The following LGALS4 variants were observed in gnomAD, a reference collection of about 807,000 sequenced individuals.
LGALS4 encodes the protein galectin-4.
LGALS4 carries 37 observed loss-of-function variants against 39.6 expected under a neutral mutation model. The observed-to-expected ratio is 0.93, with a 90% CI of 0.72 to 1.23. LGALS4 has a LOEUF of 1.23. Among genes scored for constraint, LGALS4 ranks in the 50% most tolerant of loss-of-function variants. LGALS4 has a pLI of 0.00. For synonymous variants in LGALS4, 160 were observed against 165.5 expected (o/e 0.97, Z 0.25); for missense variants, 397 against 433.2 (o/e 0.92, Z 0.74).
intron 2 of LGALS4, among the ~76,000 whole-genome samples, chr19:38,809,218 G>T (rs1276865866): frequency 2.5e-5 from 3 of 118,174 alleles, no homozygotes. Flanking sequence ...TTGCTCTGTT[G>T]CCCAGGCTGG....
chr19:38,807,453 A>G (rs1971435346), intron 3 of LGALS4, among the ~76,000 whole-genome samples: 1 of 152,190 alleles, frequency 6.6e-6, no homozygotes, highest in Admixed American at 6.5e-5. Context: ...GACTCTCAGC[A>G]GTAGGGTAAT....
chr19:38,802,658 C>T (rs1971371149), intron 7 of LGALS4, among the ~76,000 whole-genome samples: 1 of 151,780 alleles, frequency 6.6e-6, no homozygotes, highest in Non-Finnish European at 1.5e-5. Context: ...CCACGCCCAG[C>T]CTTGCAGGAA....
At chr19:38,808,099 A>G (rs1057292155) in intron 3 of LGALS4, among the ~76,000 whole-genome samples, 9 of 152,012 alleles carry the variant, frequency 5.9e-5, no homozygotes, top group Non-Finnish European at 1.3e-4. Flanking sequence ...TCTGAGAAAC[A>G]CCCAAGAATG....
chr19:38,802,318 C>G lies in LGALS4; in HGVS notation c.657G>C (p.Lys219Asn). The change falls in exon 8 of 10, where the codon AAG (lysine) becomes AAC (asparagine). Residue 219 changes from lysine (K) to asparagine (N), a missense_variant and splice_region_variant. Physicochemically the swap from Lys to Asn is moderately conservative, Grantham distance 94. Transcript: ENST00000307751. ...TTCCCACCTAGTTTACGTTATACCT[C>G]TTGCCTGTGGGAGGCACATAGCCCT... ...IIKGYVPPTG[K>N]SFAINFKVGS... 1 of 1,613,914 alleles carries G rather than the reference C, an allele frequency of 6.2e-7. No homozygotes were observed.
At chr19:38,808,623 C>CAA (rs371371385) in intron 3 of LGALS4, 121 bp downstream of exon 3, 1,062 of 538,408 alleles carry the variant, frequency 2.0e-3, no homozygotes, top group East Asian at 2.9e-3. Context: ...AACTCCATCT[C>CAA]AAAAAAAAAA....
intron 2 of LGALS4, among the ~76,000 whole-genome samples, chr19:38,809,870 C>T (rs1971472454): frequency 6.6e-6 from 1 of 152,046 alleles, no homozygotes; most frequent in Non-Finnish European, 1.5e-5. Flanking sequence ...ACGGGCCAGG[C>T]CCTGTCCTAT....
chr19:38,806,538 C>T lies in LGALS4; in HGVS notation c.397G>A (p.Val133Ile). 10 of 1,614,060 alleles carry T rather than the reference C, an allele frequency of 6.2e-6. No homozygotes were observed. Among genetic ancestry groups the T allele is most frequent in the African/African-American group, 1.3e-5 (1 of 75,012 alleles). ...EYGHRLPLQMVTHLQVDGDLQ... is the reference protein window; with the variant it reads ...EYGHRLPLQMITHLQVDGDLQ... The stretch of plus-strand genomic sequence containing the variant: ...TCCCCATCCACTTGCAGGTGGGTGA[C>T]CATCTGTAGGGGAAGCCGGTGCCCG... The change falls in exon 4 of 10, where the codon GTC (valine) becomes ATC (isoleucine). Residue 133 changes from valine to isoleucine, a missense_variant. Physicochemically the swap from Val to Ile is conservative, Grantham distance 29. Transcript: ENST00000307751.
In LGALS4 at chr19:38,802,098, C is replaced by A. The variant is rs371360675; in HGVS notation, c.719G>T (p.Arg240Leu). ...SGDIALHINPRMGNGTVVRNS... is the reference protein window; with the variant it reads ...SGDIALHINPLMGNGTVVRNS... ...CCGGACCACGGTACCGTTGCCCATG[C>A]GGGGATTAATGTGCAGAGCTATGTC... Residue 240 changes from arginine (R) to leucine (L), a missense_variant, in exon 9 of 10, where the codon CGC becomes CTC. Transcript: ENST00000307751. The A allele has an allele frequency of 1.5e-5, 24 of 1,614,138 alleles. No individual in the cohort carries two copies. Among genetic ancestry groups the A allele is most frequent in the Non-Finnish European group, 2.0e-5 (24 of 1,180,002 alleles).
chr19:38,810,545 G>T (rs957954463), intron 2 of LGALS4, among the ~76,000 whole-genome samples: 1 of 151,746 alleles, frequency 6.6e-6, no homozygotes, highest in Non-Finnish European at 1.5e-5. Flanking sequence ...TGTATTTTTA[G>T]TAGAGACGGG....
intron 4 of LGALS4, among the ~76,000 whole-genome samples, chr19:38,805,543 C>T (rs568584774): frequency 1.3e-5 from 2 of 152,262 alleles, no homozygotes; most frequent in African/African-American, 4.8e-5. Flanking sequence ...AGAGATATCT[C>T]AGTCATTCCT....
At chr19:38,811,376 T>C (rs1283495677) in intron 2 of LGALS4, among the ~76,000 whole-genome samples, 1 of 151,796 alleles carries the variant, frequency 6.6e-6, no homozygotes, top group Non-Finnish European at 1.5e-5. Context: ...CAGTGCCTGA[T>C]CCTCCCAGCA....
chr19:38,802,069 T>C lies in LGALS4; in HGVS notation c.748A>G (p.Ser250Gly). ...GATCCCCACGAGCCATTCAGAAGGCTGTTCCGGACCACGGTACCGTTGCCC... is the reference window on the plus strand; with the variant it reads ...GATCCCCACGAGCCATTCAGAAGGCCGTTCCGGACCACGGTACCGTTGCCC... ...RMGNGTVVRN[S>G]LLNGSWGSEE... The change falls in exon 9 of 10, where the codon AGC becomes GGC. Residue 250 changes from serine (S) to glycine (G), a missense_variant. Coordinates refer to ENST00000307751, the MANE Select transcript of LGALS4 (RefSeq NM_006149.4). 5 of 1,614,214 alleles carry C rather than the reference T, an allele frequency of 3.1e-6. No individual in the cohort carries two copies. Among genetic ancestry groups the C allele is most frequent in the Non-Finnish European group, 4.2e-6 (5 of 1,180,042 alleles).
At chr19:38,805,208 T>A (rs4375781) in intron 4 of LGALS4, among the ~76,000 whole-genome samples, 16,175 of 148,116 alleles carry the variant, frequency 0.11, 1,168 homozygotes, top group African/African-American at 0.2. Context: ...ATAATAATAA[T>A]ATTGATAAAC....
At chr19:38,810,094 T>C (rs1440800893) in intron 2 of LGALS4, among the ~76,000 whole-genome samples, 2 of 152,178 alleles carry the variant, frequency 1.3e-5, no homozygotes, top group Non-Finnish European at 2.9e-5. Flanking sequence ...TCCCTGGGGA[T>C]CCCTCTCTCC....
intron 7 of LGALS4, 142 bp from the exon 8 acceptor site, chr19:38,802,546 G>A: frequency 1.5e-6 from 1 of 652,010 alleles, no homozygotes; most frequent in Non-Finnish European, 2.7e-6. Context: ...CCAGGCTGGA[G>A]TGCAGTGGCA....
intron 2 of LGALS4, among the ~76,000 whole-genome samples, chr19:38,811,154 G>T (rs1347385052): frequency 6.6e-6 from 1 of 152,062 alleles, no homozygotes; most frequent in Admixed American, 6.6e-5. Flanking sequence ...GCCTGCCTAG[G>T]CCTCCTAAAG....
rs763584736 is a variant in LGALS4, at chr19:38,802,096, T to A, written c.721A>T (p.Met241Leu). The A allele has an allele frequency of 1.2e-6, 2 of 1,614,164 alleles. No homozygotes were observed. Among genetic ancestry groups the A allele is most frequent in the Admixed American group, 3.3e-5 (2 of 60,016 alleles). The change falls in exon 9 of 10, where the codon ATG (methionine) becomes TTG (leucine). Residue 241 changes from methionine (M) to leucine (L), a missense_variant. Transcript: ENST00000307751. ...TTCCGGACCACGGTACCGTTGCCCATGCGGGGATTAATGTGCAGAGCTATG... is the reference window on the plus strand; with the variant it reads ...TTCCGGACCACGGTACCGTTGCCCAAGCGGGGATTAATGTGCAGAGCTATG... ...GDIALHINPR[M>L]GNGTVVRNSL...
intron 2 of LGALS4, among the ~76,000 whole-genome samples, chr19:38,812,091 C>T (rs1419536937): frequency 6.6e-6 from 1 of 152,154 alleles, no homozygotes; most frequent in Non-Finnish European, 1.5e-5. Flanking sequence ...GTCACTTTCA[C>T]TCTTTCACCA....
chr19:38,806,920 T>C (rs4802888), intron 3 of LGALS4, among the ~76,000 whole-genome samples: 56,359 of 150,628 alleles, frequency 0.37, 12,650 homozygotes, highest in African/African-American at 0.63. Flanking sequence ...GCACTCCAGC[T>C]TGGGTGACAG....
Sources: gnomAD v4.1 joint callset for allele counts (sites outside exome capture counted in the v4.1 genomes callset) on GRCh38, gnomAD v4.1.1 for gene constraint, MANE v1.5 for transcripts, NCBI Gene and HGNC (gene_info 2026-07-23, HGNC 2026-07-21) for gene names.